Variants in HPSE2 observed in about 807,000 individuals in gnomAD.
HPSE2 encodes inactive heparanase-2.
HPSE2 carries 38 observed loss-of-function variants against 60.5 expected under a neutral mutation model. The observed-to-expected ratio is 0.63, with a 90% confidence interval of 0.48 to 0.82. The LOEUF (loss-of-function observed/expected upper bound fraction) is 0.82. HPSE2 is among the 40% of genes least tolerant of loss of function. The pLI is 0.00. For missense variants in HPSE2, 713 were observed against 740.4 expected, an observed-to-expected ratio of 0.96 and a Z score of 0.43; for synonymous variants, 295 against 293.2, an observed-to-expected ratio of 1.01 and a Z score of -0.06.
At chr10:99,286,143 C>T in the HPSE2 span, among the ~76,000 whole-genome samples, 1 of 152,164 alleles carries the variant, frequency 6.6e-6, no homozygotes, top group Non-Finnish European at 1.5e-5. Context: ...AATTACACAG[C>T]TGCTGTGGAA....
At chr10:99,294,146 G>C in the HPSE2 span, among the ~76,000 whole-genome samples, 1 of 151,904 alleles carries the variant, frequency 6.6e-6, no homozygotes, top group East Asian at 1.9e-4. Flanking sequence ...TATCTAATAA[G>C]ATTGCACCTA....
intron 3 of HPSE2, among the ~76,000 whole-genome samples, chr10:98,798,945 A>G (rs1278880841): frequency 1.3e-5 from 2 of 152,170 alleles, no homozygotes; most frequent in East Asian, 3.8e-4. Flanking sequence ...ATCAATGATA[A>G]CATTGAATGG....
intron 9 of HPSE2, among the ~76,000 whole-genome samples, chr10:98,614,680 T>C (rs1323765387): frequency 6.6e-6 from 1 of 151,402 alleles, no homozygotes; most frequent in Non-Finnish European, 1.5e-5. Context: ...TGTATGTGTA[T>C]ATATAAAAGT....
intron 3 of HPSE2, among the ~76,000 whole-genome samples, chr10:99,143,434 A>AT (rs1382292383): frequency 6.6e-6 from 1 of 152,090 alleles, no homozygotes; most frequent in African/African-American, 2.4e-5. Flanking sequence ...CCATCTTTTT[A>AT]TTTTTTTAAT....
intron 3 of HPSE2, among the ~76,000 whole-genome samples, chr10:98,868,970 A>G (rs1295326291): frequency 6.6e-6 from 1 of 152,118 alleles, no homozygotes; most frequent in Non-Finnish European, 1.5e-5. Context: ...GAATGTATTT[A>G]GACTTGCTTT....
chr10:98,460,447 C>A (rs562084450), intron 11 of HPSE2, among the ~76,000 whole-genome samples: 2 of 151,896 alleles, frequency 1.3e-5, no homozygotes, highest in Non-Finnish European at 2.9e-5. Context: ...AGCAACATAG[C>A]GAGACCCCAT....
chr10:99,153,142 G>A (rs1430997778), intron 2 of HPSE2, among the ~76,000 whole-genome samples: 1 of 152,232 alleles, frequency 6.6e-6, no homozygotes, highest in Admixed American at 6.5e-5. Flanking sequence ...AGCAGTCTGA[G>A]ATCAAACTGC....
At chr10:98,778,765 G>T (rs1332037739) in intron 3 of HPSE2, among the ~76,000 whole-genome samples, 1 of 152,180 alleles carries the variant, frequency 6.6e-6, no homozygotes, top group Admixed American at 6.6e-5. Context: ...TAAAGTAGAT[G>T]ATTAAATCAG....
intron 10 of HPSE2, 33 bp downstream of exon 10, chr10:98,490,017 AG>A: frequency 6.2e-7 from 1 of 1,613,692 alleles, no homozygotes; most frequent in South Asian, 1.1e-5. Context: ...GGAGCCCCTC[AG>A]GTGGCCTTTC....
At chr10:98,927,387 A>G (rs892126519) in intron 3 of HPSE2, among the ~76,000 whole-genome samples, 16 of 151,842 alleles carry the variant, frequency 1.1e-4, no homozygotes, top group Admixed American at 6.6e-5. Flanking sequence ...AGGAAGAATC[A>G]ATATCGTGAA....
chr10:98,524,471 A>G (rs983634910), intron 9 of HPSE2, among the ~76,000 whole-genome samples: 2 of 152,138 alleles, frequency 1.3e-5, no homozygotes, highest in Non-Finnish European at 2.9e-5. Flanking sequence ...GAAGAAGGCA[A>G]TGGTATTTAT....
At chr10:98,688,629 C>A (rs1392872663) in intron 6 of HPSE2, among the ~76,000 whole-genome samples, 2 of 151,568 alleles carry the variant, frequency 1.3e-5, no homozygotes, top group African/African-American at 4.8e-5. Flanking sequence ...GTACTTGCCA[C>A]CAGCCCGGCT....
chr10:99,144,271 A>C lies in HPSE2; in HGVS notation c.577T>G (p.Phe193Val), dbSNP rs1408287245. 1 of 1,614,084 alleles carries C rather than the reference A, an allele frequency of 6.2e-7. No homozygotes were observed. The highest frequency in any genetic ancestry group is 1.1e-5 in the South Asian group (1 of 91,080). Residue 193 changes from phenylalanine (F) to valine (V), a missense_variant, in exon 3 of 12, where the codon TTC becomes GTC. Coordinates refer to ENST00000370552, the MANE Select transcript of HPSE2 (RefSeq NM_021828.5). ...ATGAGATTACTGTAAGTATTGGAGAATTGCTCCTTTAGAAGAACCAGATGC... is the reference window on the plus strand; with the variant it reads ...ATGAGATTACTGTAAGTATTGGAGACTTGCTCCTTTAGAAGAACCAGATGC... The part of the protein sequence containing the change: ...QMHLVLLKEQ[F>V]SNTYSNLILT...
At chr10:98,598,734 G>C (rs1945316036) in intron 9 of HPSE2, among the ~76,000 whole-genome samples, 1 of 151,666 alleles carries the variant, frequency 6.6e-6, no homozygotes, top group Admixed American at 6.6e-5. Context: ...TACTTGGGTG[G>C]GTCTTGACCT....
intron 7 of HPSE2, among the ~76,000 whole-genome samples, chr10:98,638,402 G>A (rs1946556526): frequency 2.0e-5 from 3 of 151,980 alleles, no homozygotes; most frequent in African/African-American, 4.8e-5. Flanking sequence ...CTGAGATTGC[G>A]CCACTGCACT....
chr10:98,562,610 G>A (rs1163329942), intron 9 of HPSE2, among the ~76,000 whole-genome samples: 1 of 151,910 alleles, frequency 6.6e-6, no homozygotes, highest in Non-Finnish European at 1.5e-5. Flanking sequence ...AGCTACTCGG[G>A]AGGCTGAGGC....
At chr10:99,000,646 A>G (rs80142315) in intron 3 of HPSE2, among the ~76,000 whole-genome samples, 7,559 of 152,164 alleles carry the variant, frequency 0.05, 252 homozygotes, top group Non-Finnish European at 0.074. Flanking sequence ...GGATTCAGGC[A>G]AGTAATTAGG....
chr10:98,911,851 G>A (rs1365952054), intron 3 of HPSE2, among the ~76,000 whole-genome samples: 1 of 152,118 alleles, frequency 6.6e-6, no homozygotes, highest in Non-Finnish European at 1.5e-5. Flanking sequence ...AGCAAATGAA[G>A]GAGTTTTAGA....
At chr10:98,704,721 A>T (rs1948501546) in intron 5 of HPSE2, among the ~76,000 whole-genome samples, 1 of 152,192 alleles carries the variant, frequency 6.6e-6, no homozygotes, top group African/African-American at 2.4e-5. Flanking sequence ...GGAAAACTGA[A>T]ACTTGACCTC....
Sources: allele counts gnomAD v4.1 joint callset (sites outside exome capture counted in the v4.1 genomes callset), GRCh38; gene constraint gnomAD v4.1.1; transcripts MANE v1.5; gene names NCBI Gene and HGNC (gene_info 2026-07-23, HGNC 2026-07-21).